Variants in APAF1 observed in about 807,000 individuals in gnomAD.
The protein encoded by APAF1 is apoptotic protease-activating factor 1.
In APAF1, 91 loss-of-function variants were observed where a neutral mutation model predicts 152.4. That is an observed-to-expected ratio of 0.60 (90% confidence interval 0.50 to 0.71). The LOEUF (loss-of-function observed/expected upper bound fraction) is 0.71. Among genes scored for constraint, APAF1 ranks in the 30% least tolerant of loss-of-function variants. The pLI, the probability that APAF1 is intolerant of heterozygous loss-of-function variation, is 0.00. For missense variants in APAF1, 1,283 were observed against 1,472.0 expected (o/e 0.87, Z 2.10); for synonymous variants, 484 against 494.1 (o/e 0.98, Z 0.27).
intron 17 of APAF1, among the ~76,000 whole-genome samples, chr12:98,702,797 C>T (rs1294997296): frequency 4.0e-5 from 6 of 149,468 alleles, no homozygotes; most frequent in Non-Finnish European, 8.9e-5. Context: ...GCTGAGATTA[C>T]GCTATTGCAC....
chr12:98,669,197 A>G (rs990858216), intron 10 of APAF1, among the ~76,000 whole-genome samples: 1 of 152,120 alleles, frequency 6.6e-6, no homozygotes, highest in South Asian at 2.1e-4. Flanking sequence ...TTTGGTCCTT[A>G]TGATGTAATG....
At chr12:98,730,051 C>G (rs1028256723) in intron 26 of APAF1, among the ~76,000 whole-genome samples, 3 of 152,182 alleles carry the variant, frequency 2.0e-5, no homozygotes, top group Non-Finnish European at 4.4e-5. Flanking sequence ...TTGATCATTA[C>G]ACATTGTATC....
rs2097766046 is a variant in APAF1 at position 98,734,331 on chromosome 12, C to A, written c.*1765C>A. 1 of 152,110 alleles carries A rather than the reference C, an allele frequency of 6.6e-6. No homozygotes were observed. The highest frequency in any genetic ancestry group is 6.5e-5 in the Admixed American group (1 of 15,270). 9.4% of individuals were successfully genotyped at this position (152,110 alleles called of 1,614,324 possible). On this transcript the variant is annotated 3_prime_UTR_variant, in exon 27 of 27. Transcript: ENST00000551964. ...CTCAATAACTAGCTATTTTTGACCT[C>A]CTGATCAGGAACTTTAGTTGAAGCG... is the stretch of plus-strand genomic sequence containing the variant.
chr12:98,692,550 C>G (rs953520165), intron 16 of APAF1, among the ~76,000 whole-genome samples: 18 of 152,282 alleles, frequency 1.2e-4, no homozygotes, highest in African/African-American at 4.1e-4. Context: ...ATTCCCCCCT[C>G]CCCAACTCTA....
At chr12:98,699,289 T>G (rs553246733) in intron 16 of APAF1, 119 bp from the exon 17 acceptor site, 7 of 1,016,830 alleles carry the variant, frequency 6.9e-6, no homozygotes, top group Non-Finnish European at 1.0e-5. Context: ...CATGCATAGG[T>G]AAAAATAATT....
chr12:98,668,277 A>C (rs1356064833), intron 10 of APAF1, among the ~76,000 whole-genome samples: 1 of 152,228 alleles, frequency 6.6e-6, no homozygotes, highest in Non-Finnish European at 1.5e-5. Flanking sequence ...CTTAGTAACT[A>C]GTAAATGAAC....
At chr12:98,657,646 G>T (rs999983955) in intron 4 of APAF1, among the ~76,000 whole-genome samples, 6 of 152,212 alleles carry the variant, frequency 3.9e-5, no homozygotes, top group Admixed American at 3.9e-4. Flanking sequence ...AGTAGGTTAA[G>T]GTGGGTTGTT....
chr12:98,677,108 A>G (rs2097687411), intron 12 of APAF1, among the ~76,000 whole-genome samples: 1 of 152,222 alleles, frequency 6.6e-6, no homozygotes, highest in South Asian at 2.1e-4. Flanking sequence ...AATGTATCAA[A>G]GGAAAATGGA....
At chr12:98,680,161 G>A (rs2097690807) in intron 13 of APAF1, 116 bp from the exon 14 acceptor site, 7 of 1,073,294 alleles carry the variant, frequency 6.5e-6, no homozygotes, top group East Asian at 2.6e-5. Context: ...GCTTTGCCAA[G>A]GTTCCTTTCT....
chr12:98,700,354 A>G (rs1333346225), intron 17 of APAF1, among the ~76,000 whole-genome samples: 1 of 152,200 alleles, frequency 6.6e-6, no homozygotes, highest in Non-Finnish European at 1.5e-5. Context: ...AAAGACTTGA[A>G]TGAGGGATAT....
At chr12:98,691,696 A>G (rs1278313002) in intron 16 of APAF1, among the ~76,000 whole-genome samples, 3 of 150,766 alleles carry the variant, frequency 2.0e-5, no homozygotes, top group East Asian at 3.9e-4. Flanking sequence ...TATTGGTCAA[A>G]CCCCCAATGA....
Position 98,665,789 on chromosome 12 carries a change from A to T in APAF1, c.1192A>T (p.Lys398Ter). 1 of 1,599,546 alleles carries T rather than the reference A, an allele frequency of 6.3e-7. No individual in the cohort carries two copies. The highest frequency in any genetic ancestry group is 8.6e-7 in the Non-Finnish European group (1 of 1,166,744). The change falls in exon 8 of 27, where the codon AAG becomes TAG. Residue 398 changes from lysine (K) to a stop codon, truncating the protein, a stop_gained and splice_region_variant. Transcript: ENST00000551964. LOFTEE classifies it high-confidence loss of function. ...TCAGAAGGACGTTAAGGTGCCTACA[A>T]AGGTAATGGGATCAATGATCCTCAT... ...ILQKDVKVPT[K>*]VLCILWDMET...
intron 14 of APAF1, among the ~76,000 whole-genome samples, chr12:98,681,655 A>G (rs1013693681): frequency 1.3e-4 from 20 of 152,210 alleles, no homozygotes; most frequent in African/African-American, 4.3e-4. Flanking sequence ...GGAAAAATCT[A>G]CCTCTTGATA....
In APAF1 at chr12:98,685,862, C is replaced by G. The variant is rs112771036; in HGVS notation, c.2179-886C>G. Among the ~76,000 whole-genome samples the G allele has an allele frequency of 5.9e-3, 888 of 151,714 alleles. 9 individuals carry two copies. Among genetic ancestry groups the G allele is most frequent in the African/African-American group, 0.019 (800 of 41,362 alleles). On this transcript the variant is annotated intron_variant, in intron 15 of 26. Coordinates refer to ENST00000551964, the MANE Select transcript of APAF1 (RefSeq NM_181861.2). ...ATGGTGGTCAGGCTGGTCTTGAACTCCTGACCTCAGGTGATACGCCCACCT... is the reference window on the plus strand; with the variant it reads ...ATGGTGGTCAGGCTGGTCTTGAACTGCTGACCTCAGGTGATACGCCCACCT...
At position 98,711,498 on chromosome 12, in the gene APAF1, A is replaced by G. The variant is rs192407003; in HGVS notation, c.2842-821A>G. Among the ~76,000 whole-genome samples, 99 of 152,336 alleles carry G rather than the reference A, an allele frequency of 6.5e-4. 1 individual carries two copies. Among genetic ancestry groups the G allele is most frequent in the Non-Finnish European group, 1.1e-3 (76 of 68,028 alleles). On this transcript the variant is annotated intron_variant, in intron 20 of 26. Coordinates refer to ENST00000551964, the MANE Select transcript of APAF1 (RefSeq NM_181861.2). ...AATATCTAATAGATCAAAATGTGCTATGTAAAATAATGTTAAGGAAAAACT... is the reference window on the plus strand; with the variant it reads ...AATATCTAATAGATCAAAATGTGCTGTGTAAAATAATGTTAAGGAAAAACT...
chr12:98,721,989 C>T (rs2153343226), intron 22 of APAF1, among the ~76,000 whole-genome samples: 1 of 152,268 alleles, frequency 6.6e-6, no homozygotes, highest in South Asian at 2.1e-4. Flanking sequence ...GCCTGTTTTC[C>T]CATACCTCAG....
intron 24 of APAF1, among the ~76,000 whole-genome samples, chr12:98,724,175 T>A (rs2097747031): frequency 6.6e-6 from 1 of 152,194 alleles, no homozygotes; most frequent in African/African-American, 2.4e-5. Context: ...TCTTCTCTCC[T>A]TTTTTCTCCT....
At chr12:98,687,818 T>C (rs900706609) in intron 16 of APAF1, among the ~76,000 whole-genome samples, 2 of 152,134 alleles carry the variant, frequency 1.3e-5, no homozygotes, top group African/African-American at 4.8e-5. Context: ...GCTTTTGTTT[T>C]TGTTTTTGTT....
At chr12:98,652,998 G>A (rs905148029) in intron 4 of APAF1, among the ~76,000 whole-genome samples, 4 of 151,784 alleles carry the variant, frequency 2.6e-5, no homozygotes, top group African/African-American at 4.8e-5. Flanking sequence ...CTCAGTAGAC[G>A]AGAACTCTGA....
Sources: gnomAD v4.1 joint callset for allele counts (sites outside exome capture counted in the v4.1 genomes callset) on GRCh38, gnomAD v4.1.1 for gene constraint, MANE v1.5 for transcripts, NCBI Gene and HGNC (gene_info 2026-07-23, HGNC 2026-07-21) for gene names.